The following SDK1 variants were observed in gnomAD, a reference collection of about 807,000 sequenced individuals.
The protein encoded by SDK1 is sidekick cell adhesion molecule 1, also known as protein sidekick-1.
SDK1 carries 157 observed loss-of-function variants against 245.5 expected under a neutral mutation model. The ratio of observed to expected loss-of-function variants is 0.64; its 90% CI spans 0.56 to 0.73. SDK1 has a LOEUF of 0.73. SDK1 is among the 30% of genes least tolerant of loss of function. The pLI is 0.00. For missense variants in SDK1, 3,583 were observed against 3,002.3 expected, an observed-to-expected ratio of 1.19 and a Z score of -4.52; for synonymous variants, 1,647 against 1,278.5, an observed-to-expected ratio of 1.29 and a Z score of -6.15.
At chr7:3,887,936 T>A (rs777339715) in intron 5 of SDK1, among the ~76,000 whole-genome samples, 1 of 152,256 alleles carries the variant, frequency 6.6e-6, no homozygotes, top group Non-Finnish European at 1.5e-5. Context: ...AAATGTGTTG[T>A]CTTGTATTTC....
intron 1 of SDK1, among the ~76,000 whole-genome samples, chr7:3,513,281 G>C (rs1340575272): frequency 2.0e-5 from 3 of 152,070 alleles, no homozygotes; most frequent in Non-Finnish European, 4.4e-5. Flanking sequence ...TGGTAAAAGT[G>C]GCCAATAAGA....
chr7:3,647,463 C>T (rs570200879), intron 4 of SDK1, among the ~76,000 whole-genome samples: 1 of 152,242 alleles, frequency 6.6e-6, no homozygotes, highest in South Asian at 2.1e-4. Context: ...CTCTGTCTCC[C>T]ATGCTGGAGT....
Position 3,301,890 on chromosome 7 carries a change from TGC to T in SDK1, c.298+12_298+13del. ...GCTCCGGGCGCTGGCGCAAGGTAGGTGCGCGCGGGGTCGCGGGCCGGGGGCGT... is the reference window on the plus strand; with the variant it reads ...GCTCCGGGCGCTGGCGCAAGGTAGGTGCGCGGGGTCGCGGGCCGGGGGCGT... On this transcript the variant is annotated splice_region_variant and intron_variant, in intron 1 of 44. Coordinates refer to ENST00000404826, the MANE Select transcript of SDK1 (RefSeq NM_152744.4). 1.8e-6 allele frequency: 2 copies of T among 1,134,740 alleles called. No individual in the cohort carries two copies. The highest frequency in any genetic ancestry group is 8.5e-5 in the South Asian group (2 of 23,440). 70.3% of individuals were successfully genotyped at this position (1,134,740 alleles called of 1,614,324 possible).
intron 25 of SDK1, among the ~76,000 whole-genome samples, chr7:4,126,126 T>C (rs1001661210): frequency 6.6e-6 from 1 of 152,218 alleles, no homozygotes; most frequent in African/African-American, 2.4e-5. Context: ...GGCCCTGAAG[T>C]ATGGCGGGAT....
At chr7:4,157,636 G>T (rs1481649273) in intron 30 of SDK1, among the ~76,000 whole-genome samples, 1 of 152,162 alleles carries the variant, frequency 6.6e-6, no homozygotes, top group East Asian at 1.9e-4. Flanking sequence ...CGGGCTGGGG[G>T]TATTTTTCAC....
intron 2 of SDK1, among the ~76,000 whole-genome samples, chr7:3,622,892 G>A (rs1781987327): frequency 6.6e-6 from 1 of 152,042 alleles, no homozygotes; most frequent in Admixed American, 6.6e-5. Flanking sequence ...ATCTATCATA[G>A]CTTGCTTTTT....
chr7:3,924,579 A>C (rs1226646829), intron 5 of SDK1, among the ~76,000 whole-genome samples: 1 of 152,182 alleles, frequency 6.6e-6, no homozygotes, highest in East Asian at 1.9e-4. Context: ...GTACGTTATC[A>C]TCTGTTACCA....
chr7:3,957,187 C>A (rs1479540550), intron 7 of SDK1, among the ~76,000 whole-genome samples: 1 of 152,142 alleles, frequency 6.6e-6, no homozygotes, highest in African/African-American at 2.4e-5. Flanking sequence ...TGGGGTGCTC[C>A]TGGTCATGGA....
At chr7:3,454,826 T>A (rs1460523690) in intron 1 of SDK1, among the ~76,000 whole-genome samples, 1 of 152,170 alleles carries the variant, frequency 6.6e-6, no homozygotes, top group African/African-American at 2.4e-5. Context: ...GACATCACTT[T>A]CCATTTCTCT....
intron 5 of SDK1, among the ~76,000 whole-genome samples, chr7:3,894,729 C>T (rs1490905372): frequency 6.9e-6 from 1 of 144,310 alleles, no homozygotes; most frequent in Non-Finnish European, 1.5e-5. Context: ...GACGGAGTCT[C>T]ACTCTGTCCC....
chr7:4,193,044 C>T (rs1029654573), intron 35 of SDK1, among the ~76,000 whole-genome samples: 2 of 131,924 alleles, frequency 1.5e-5, no homozygotes, highest in Non-Finnish European at 3.1e-5. Context: ...ATATAAGATA[C>T]AAAAATATAT....
chr7:3,408,889 G>A (rs1445485389), intron 1 of SDK1, among the ~76,000 whole-genome samples: 4 of 152,124 alleles, frequency 2.6e-5, no homozygotes, highest in African/African-American at 9.7e-5. Flanking sequence ...TATTTATTTA[G>A]CATTTGCAGT....
At chr7:3,553,644 G>T (rs1055139443) in intron 1 of SDK1, among the ~76,000 whole-genome samples, 2 of 152,102 alleles carry the variant, frequency 1.3e-5, no homozygotes, top group South Asian at 2.1e-4. Flanking sequence ...CTTCTTTCTT[G>T]CTGAGATACC....
At chr7:3,714,129 C>T (rs919438982) in intron 4 of SDK1, among the ~76,000 whole-genome samples, 1 of 152,114 alleles carries the variant, frequency 6.6e-6, no homozygotes, top group Non-Finnish European at 1.5e-5. Flanking sequence ...TTCAAAACAA[C>T]AACACGTTGA....
At chr7:3,962,078 CACAT>C (rs1398858409) in intron 8 of SDK1, among the ~76,000 whole-genome samples, 5 of 152,186 alleles carry the variant, frequency 3.3e-5, no homozygotes, top group East Asian at 1.9e-4. Context: ...TGAACACATG[CACAT>C]ACATATACAC....
intron 2 of SDK1, among the ~76,000 whole-genome samples, chr7:3,627,594 G>A (rs1419212453): frequency 6.6e-6 from 1 of 152,222 alleles, no homozygotes; most frequent in African/African-American, 2.4e-5. Context: ...TGAGGGCTCA[G>A]CATCAGTCTC....
At chr7:3,901,506 C>G (rs1488012699) in intron 5 of SDK1, among the ~76,000 whole-genome samples, 2 of 152,192 alleles carry the variant, frequency 1.3e-5, no homozygotes, top group Admixed American at 6.5e-5. Context: ...ATGTCCTTGT[C>G]AGTGCACCAC....
intron 5 of SDK1, among the ~76,000 whole-genome samples, chr7:3,879,971 G>A (rs1351559502): frequency 5.9e-5 from 9 of 152,192 alleles, no homozygotes; most frequent in Middle Eastern, 3.4e-3. Context: ...TAAAGAGCCA[G>A]GAGAGAGAGA....
chr7:3,462,762 A>G (rs978810296), intron 1 of SDK1, among the ~76,000 whole-genome samples: 1 of 152,102 alleles, frequency 6.6e-6, no homozygotes, highest in East Asian at 1.9e-4. Context: ...CCGCCATCCT[A>G]ATGCAAGCTG....
Sources: allele counts gnomAD v4.1 joint callset (sites outside exome capture counted in the v4.1 genomes callset), GRCh38; gene constraint gnomAD v4.1.1; transcripts MANE v1.5; gene names NCBI Gene and HGNC (gene_info 2026-07-23, HGNC 2026-07-21).